Variants in SHISA9 observed in about 807,000 individuals in gnomAD.
SHISA9 encodes the protein shisa family member 9, also known as protein shisa-9.
SHISA9 carries 13 observed loss-of-function variants against 38.0 expected under a neutral mutation model. The ratio of observed to expected loss-of-function variants is 0.34; its 90% CI spans 0.22 to 0.54. The LOEUF (loss-of-function observed/expected upper bound fraction) is 0.54, where lower values mean the gene tolerates loss of function less well. Ranked by LOEUF, SHISA9 falls within the 20% of genes least tolerant of loss-of-function variation. SHISA9 has a pLI of 0.91. For synonymous variants in SHISA9, 275 were observed against 242.0 expected (o/e 1.14, Z -1.27); for missense variants, 538 against 575.8 (o/e 0.93, Z 0.67).
the SHISA9 span, among the ~76,000 whole-genome samples, chr16:13,484,569 G>A: frequency 1.3e-5 from 2 of 152,220 alleles, no homozygotes; most frequent in Admixed American, 1.3e-4. Flanking sequence ...CTCTCTGGCT[G>A]TATAGTAAGT....
At chr16:13,060,094 G>C (rs2073356499) in intron 2 of SHISA9, among the ~76,000 whole-genome samples, 1 of 152,158 alleles carries the variant, frequency 6.6e-6, no homozygotes, top group Non-Finnish European at 1.5e-5. Flanking sequence ...TTCACCCAGA[G>C]TCACATGACA....
the SHISA9 span, among the ~76,000 whole-genome samples, chr16:13,262,758 C>G: frequency 6.6e-6 from 1 of 151,804 alleles, no homozygotes; most frequent in Non-Finnish European, 1.5e-5. Flanking sequence ...CAGATGTTAG[C>G]TACTCCCTTG....
At chr16:12,970,357 A>ATATG (rs1567356859) in intron 2 of SHISA9, among the ~76,000 whole-genome samples, 6 of 66,692 alleles carry the variant, frequency 9.0e-5, no homozygotes, top group African/African-American at 2.8e-4. Context: ...ATATGTGTAT[A>ATATG]TATATATATA....
At chr16:13,541,769 T>C in the SHISA9 span, among the ~76,000 whole-genome samples, 1 of 152,114 alleles carries the variant, frequency 6.6e-6, no homozygotes, top group Non-Finnish European at 1.5e-5. Flanking sequence ...AAAGAGTGAG[T>C]ATGATTCATG....
chr16:13,448,785 A>G, the SHISA9 span, among the ~76,000 whole-genome samples: 1 of 152,276 alleles, frequency 6.6e-6, no homozygotes, highest in Non-Finnish European at 1.5e-5. Flanking sequence ...TTTCCTGGAT[A>G]GTCTCAAATG....
At chr16:13,059,928 G>A (rs534704671) in intron 2 of SHISA9, among the ~76,000 whole-genome samples, 10 of 152,228 alleles carry the variant, frequency 6.6e-5, no homozygotes, top group Non-Finnish European at 8.8e-5. Context: ...TAGACTTTCC[G>A]ACTCCAGAAC....
At chr16:13,090,897 T>C (rs2073768143) in intron 2 of SHISA9, among the ~76,000 whole-genome samples, 1 of 152,244 alleles carries the variant, frequency 6.6e-6, no homozygotes, top group Non-Finnish European at 1.5e-5. Flanking sequence ...GCATTGATGG[T>C]CTTTACAACT....
At chr16:12,926,040 CACA>C (rs1157155826) in intron 2 of SHISA9, among the ~76,000 whole-genome samples, 3 of 152,132 alleles carry the variant, frequency 2.0e-5, no homozygotes, top group Non-Finnish European at 2.9e-5. Context: ...TTTTGCTTCT[CACA>C]ACATCTTCAT....
At chr16:13,476,751 T>G in the SHISA9 span, among the ~76,000 whole-genome samples, 479 of 131,464 alleles carry the variant, frequency 3.6e-3, 2 homozygotes, top group Non-Finnish European at 3.0e-3. Context: ...TTTTTTTTTT[T>G]TTTTTTTTTT....
chr16:12,998,152 C>T (rs4781373), intron 2 of SHISA9, among the ~76,000 whole-genome samples: 63,884 of 152,010 alleles, frequency 0.42, 13,714 homozygotes, highest in African/African-American at 0.44. Flanking sequence ...GAGCTGAACA[C>T]GCCTAGTTTC....
the SHISA9 span, among the ~76,000 whole-genome samples, chr16:13,315,173 G>C: frequency 1.3e-5 from 2 of 152,150 alleles, no homozygotes; most frequent in African/African-American, 2.4e-5. Context: ...TGTACCTTGG[G>C]GGAAAATCAC....
chr16:13,022,233 CT>C (rs1256470419), intron 2 of SHISA9, among the ~76,000 whole-genome samples: 2 of 152,070 alleles, frequency 1.3e-5, no homozygotes, highest in Admixed American at 6.6e-5. Flanking sequence ...CTCACTGCAG[CT>C]TTGAATTCCT....
At chr16:13,085,372 T>A (rs1463964349) in intron 2 of SHISA9, among the ~76,000 whole-genome samples, 1 of 151,904 alleles carries the variant, frequency 6.6e-6, no homozygotes, top group Non-Finnish European at 1.5e-5. Context: ...AGCTCCAACA[T>A]AGATATAGGT....
chr16:13,117,623 G>A (rs981581250), intron 2 of SHISA9, among the ~76,000 whole-genome samples: 3 of 152,146 alleles, frequency 2.0e-5, no homozygotes, highest in African/African-American at 4.8e-5. Flanking sequence ...GTGACCACAC[G>A]GCAGAGATCC....
intron 2 of SHISA9, among the ~76,000 whole-genome samples, chr16:13,042,207 C>T (rs555833721): frequency 3.9e-5 from 6 of 152,272 alleles, no homozygotes; most frequent in African/African-American, 1.4e-4. Flanking sequence ...TTGCACTGGT[C>T]GCTACCTTTA....
At chr16:13,166,730 T>C (rs1400549922) in intron 2 of SHISA9, among the ~76,000 whole-genome samples, 1 of 152,094 alleles carries the variant, frequency 6.6e-6, no homozygotes, top group Non-Finnish European at 1.5e-5. Flanking sequence ...AATCATGGGA[T>C]GCGATAGTGG....
chr16:13,456,897 G>A, the SHISA9 span, among the ~76,000 whole-genome samples: 2 of 126,446 alleles, frequency 1.6e-5, no homozygotes, highest in Non-Finnish European at 3.5e-5. Context: ...ATGACTCCAT[G>A]GGGAAAGGAT....
intron 2 of SHISA9, among the ~76,000 whole-genome samples, chr16:12,960,242 G>A (rs1050604015): frequency 4.6e-5 from 7 of 152,112 alleles, no homozygotes; most frequent in Non-Finnish European, 5.9e-5. Flanking sequence ...AATGTCTAGC[G>A]TAGTGCCAGG....
At position 13,200,627 on chromosome 16, in the gene SHISA9, G is replaced by T. The variant is rs1567245635; in HGVS notation, c.692-2767G>T. Reference sequence around the variant, plus strand: ...TCTTGGGCTCCAAGGTGTGGTGAAAGCCATACCTTATCAACACCTTTTCTA... The same window carrying T: ...TCTTGGGCTCCAAGGTGTGGTGAAATCCATACCTTATCAACACCTTTTCTA... On this transcript the variant is annotated intron_variant, in intron 2 of 4. Transcript: ENST00000558583. Among the ~76,000 whole-genome samples the T allele has an allele frequency of 2.5e-5, 2 of 80,456 alleles. 1 individual carries two copies. Among genetic ancestry groups the T allele is most frequent in the Non-Finnish European group, 5.5e-5 (2 of 36,356 alleles). 52.8% of individuals were successfully genotyped at this position (80,456 alleles called of 152,430 possible).
Sources: gnomAD v4.1 joint callset for allele counts (sites outside exome capture counted in the v4.1 genomes callset) on GRCh38, gnomAD v4.1.1 for gene constraint, MANE v1.5 for transcripts, NCBI Gene and HGNC (gene_info 2026-07-23, HGNC 2026-07-21) for gene names.